The following PCDHGA6 variants were observed in gnomAD, a reference collection of about 807,000 sequenced individuals.
The protein encoded by PCDHGA6 is protocadherin gamma subfamily A, 6.
In PCDHGA6, 41 loss-of-function variants were observed where a neutral mutation model predicts 60.6. The ratio of observed to expected loss-of-function variants is 0.68; its 90% CI spans 0.53 to 0.88. The LOEUF (loss-of-function observed/expected upper bound fraction) is 0.88. Ranked by LOEUF, PCDHGA6 falls within the 40% of genes least tolerant of loss-of-function variation. The pLI, the probability that PCDHGA6 is intolerant of heterozygous loss-of-function variation, is 0.00. For missense variants in PCDHGA6, 1,312 were observed against 1,203.0 expected, an observed-to-expected ratio of 1.09 and a Z score of -1.34; for synonymous variants, 594 against 524.4, an observed-to-expected ratio of 1.13 and a Z score of -1.81.
At chr5:141,394,108 T>C in intron 1 of PCDHGA6, 1 of 1,613,972 alleles carries the variant, frequency 6.2e-7, no homozygotes, top group Non-Finnish European at 8.5e-7. Context: ...ACACCACCTC[T>C]GTCCACTGAA....
Position 141,431,669 on chromosome 5 carries a change from A to G in PCDHGA6, c.2424+55162A>G, listed in dbSNP as rs2154554523. ...TTGTAATTCAGGGACAATATCAACA[A>G]TAGGGGAGTTGGACCACGAGGAGTC... On this transcript the variant is annotated intron_variant, in intron 1 of 3. Transcript: ENST00000517434. The surrounding 1 kb of genome is among the most constrained non-coding windows in gnomAD (Gnocchi z 4.8). 2 of 1,614,210 alleles carry G rather than the reference A, an allele frequency of 1.2e-6. No individual in the cohort carries two copies. Among genetic ancestry groups the G allele is most frequent in the South Asian group, 1.1e-5 (1 of 91,084 alleles).
Position 141,485,757 on chromosome 5 carries a change from T to A in PCDHGA6, c.2425-9050T>A. The A allele has an allele frequency of 6.2e-7, 1 of 1,614,174 alleles. No homozygotes were observed. The highest frequency in any genetic ancestry group is 8.5e-7 in the Non-Finnish European group (1 of 1,180,028). The stretch of plus-strand genomic sequence containing the variant: ...GACGGCAGCCTGGTCCCAGAGCTGC[T>A]CCTGGAGAAGCCTTTGGATCGAGAG... On this transcript the variant is annotated intron_variant, in intron 1 of 3. Transcript: ENST00000517434. The surrounding 1 kb of genome is among the most constrained non-coding windows in gnomAD (Gnocchi z 5.7).
chr5:141,418,036 G>T, intron 1 of PCDHGA6: 1 of 1,614,020 alleles, frequency 6.2e-7, no homozygotes, highest in Non-Finnish European at 8.5e-7. Context: ...TTAGTGTCCT[G>T]GATGTGTCGG....
intron 1 of PCDHGA6, chr5:141,409,276 G>T: frequency 6.2e-7 from 1 of 1,614,000 alleles, no homozygotes; most frequent in Non-Finnish European, 8.5e-7. Flanking sequence ...AGATTTTGGA[G>T]AATTCACCTC....
rs766387243 is a variant in PCDHGA6 at position 141,489,017 on chromosome 5, TCTC to T, written c.2425-5782_2425-5780del. The stretch of plus-strand genomic sequence containing the variant: ...GGGAGATCTGCTCTTCCAGCCCGCC[TCTC>T]CTCCTCCAGCTCCCCAGCTCCACTC... On this transcript the variant is annotated intron_variant, in intron 1 of 3. Transcript: ENST00000517434. This position sits in a 1 kb window ranked among gnomAD's most constrained non-coding sequence, Gnocchi z 4.5. 2 of 435,354 alleles carry T rather than the reference TCTC, an allele frequency of 4.6e-6. No individual in the cohort carries two copies. Among genetic ancestry groups the T allele is most frequent in the Non-Finnish European group, 8.1e-6 (2 of 247,876 alleles). The allele number at this position is 435,354 out of a possible 1,614,324, so 27.0% of individuals were successfully genotyped here. A position where few individuals can be genotyped will look rare whatever the true frequency, so the allele number is the denominator to read the frequency against.
chr5:141,389,834 A>G, intron 1 of PCDHGA6: 2 of 1,613,988 alleles, frequency 1.2e-6, no homozygotes, highest in Non-Finnish European at 1.7e-6. Context: ...GTGGACAGCC[A>G]CCACTCTCGG....
At chr5:141,428,112 A>G (rs2097111373) in intron 1 of PCDHGA6, 1 of 1,607,642 alleles carries the variant, frequency 6.2e-7, no homozygotes, top group Non-Finnish European at 8.5e-7. Context: ...GCTGCAGGCC[A>G]TCGAGCCCGG....
In PCDHGA6 at chr5:141,510,950, C is replaced by T. The variant is rs770587030; in HGVS notation, c.2576C>T (p.Ala859Val). 1.2e-6 allele frequency: 2 copies of T among 1,614,126 alleles called. No homozygotes were observed. The highest frequency in any genetic ancestry group is 2.2e-5 in the South Asian group (2 of 91,078). ...QAMILASASE[A>V]ADGSSTLGGG... Reference sequence around the variant, plus strand: ...TGATCTTCCTCTGTCTCTGCAGAAGCTGCTGATGGGAGCTCCACCCTGGGA... The same window carrying T: ...TGATCTTCCTCTGTCTCTGCAGAAGTTGCTGATGGGAGCTCCACCCTGGGA... The change falls in exon 4 of 4, where the codon GCT (alanine) becomes GTT (valine). Residue 859 changes from alanine (A) to valine (V), a missense_variant. Physicochemically the swap from Ala to Val is moderately conservative, Grantham distance 64. Transcript: ENST00000517434.
In PCDHGA6 at chr5:141,380,448, A is replaced by G. The variant is rs145941690; in HGVS notation, c.2424+3941A>G. Among the ~76,000 whole-genome samples, 6 of 152,354 alleles carry G rather than the reference A, an allele frequency of 3.9e-5. No homozygotes were observed. The East Asian group carries it at 1.2e-3, about 29-fold the overall frequency. ...TAGACTTTACATAGAATTCTTTTTA[A>G]TGCAACCAAACAAATGGTCAGGATT... On this transcript the variant is annotated intron_variant, in intron 1 of 3. Coordinates refer to ENST00000517434, the MANE Select transcript of PCDHGA6 (RefSeq NM_018919.3).
chr5:141,400,465 T>G (rs769092002), intron 1 of PCDHGA6: 2 of 1,614,060 alleles, frequency 1.2e-6, no homozygotes, highest in Admixed American at 1.7e-5. Context: ...TTGTGGTGAT[T>G]CATCTGGGGC....
In PCDHGA6 at chr5:141,491,696, G is replaced by A; in HGVS notation, c.2425-3111G>A. The A allele has an allele frequency of 6.2e-7, 1 of 1,612,390 alleles. No individual in the cohort carries two copies. The highest frequency in any genetic ancestry group is 8.5e-7 in the Non-Finnish European group (1 of 1,179,286). ...CGCTCTAATACGCTGCGGGAGCGGA[G>A]CCAGGTGAGGGGCTCGGCGCCGCCC... On this transcript the variant is annotated intron_variant, in intron 1 of 3. Coordinates refer to ENST00000517434, the MANE Select transcript of PCDHGA6 (RefSeq NM_018919.3). This position sits in a 1 kb window ranked among gnomAD's most constrained non-coding sequence, Gnocchi z 6.9.
At chr5:141,500,723 G>A (rs6875791) in intron 2 of PCDHGA6, among the ~76,000 whole-genome samples, 4,890 of 152,100 alleles carry the variant, frequency 0.032, 255 homozygotes, top group African/African-American at 0.11. Flanking sequence ...ATTTCCCCAT[G>A]TCTTTCAAAA....
At chr5:141,413,468 A>C in intron 1 of PCDHGA6, 1 of 1,614,072 alleles carries the variant, frequency 6.2e-7, no homozygotes, top group South Asian at 1.1e-5. Context: ...GACCGGGAGG[A>C]GCTCTGCGCT....
At position 141,408,449 on chromosome 5, in the gene PCDHGA6, G is replaced by C. The variant is rs1561713163; in HGVS notation, c.2424+31942G>C. On this transcript the variant is annotated intron_variant, in intron 1 of 3. Coordinates refer to ENST00000517434, the MANE Select transcript of PCDHGA6 (RefSeq NM_018919.3). Reference sequence around the variant, plus strand: ...CTTCAGCGTAGACGCGGAGAGCGGGGACTTACTTGTGAAGAACCGAATAGA... The same window carrying C: ...CTTCAGCGTAGACGCGGAGAGCGGGCACTTACTTGTGAAGAACCGAATAGA... The C allele has an allele frequency of 1.9e-6, 3 of 1,613,966 alleles. No individual in the cohort carries two copies. In the Admixed American group the frequency reaches 5.0e-5, roughly 27 times the overall value.
chr5:141,482,917 C>CA (rs761402624), intron 1 of PCDHGA6, among the ~76,000 whole-genome samples: 5 of 152,042 alleles, frequency 3.3e-5, no homozygotes, highest in Non-Finnish European at 7.4e-5. Context: ...ATTAAAAATA[C>CA]AAAAAATTAG....
At position 141,477,539 on chromosome 5, in the gene PCDHGA6, C is replaced by G; in HGVS notation, c.2425-17268C>G. 2 of 1,614,172 alleles carry G rather than the reference C, an allele frequency of 1.2e-6. No individual in the cohort carries two copies. The highest frequency in any genetic ancestry group is 1.7e-6 in the Non-Finnish European group (2 of 1,180,030). On this transcript the variant is annotated intron_variant, in intron 1 of 3. Transcript: ENST00000517434. The surrounding 1 kb of genome is among the most constrained non-coding windows in gnomAD (Gnocchi z 4.9). ...TGAAGAAAACAACCTCCCCGGGGCT[C>G]CAATACTAAACCTAAGTGTCTGGGA...
At chr5:141,376,675 C>CTTT in intron 1 of PCDHGA6, 168 bp downstream of exon 1, 7 of 345,068 alleles carry the variant, frequency 2.0e-5, no homozygotes, top group Admixed American at 4.8e-5. Context: ...GTGAGGGTAT[C>CTTT]GTTTTTTTTT....
chr5:141,430,885 C>G, intron 1 of PCDHGA6: 1 of 1,605,218 alleles, frequency 6.2e-7, no homozygotes, highest in Non-Finnish European at 8.5e-7. Context: ...TGGAGAAAGG[C>G]TCTAGGGTGG....
At chr5:141,390,353 T>C (rs2092125983) in intron 1 of PCDHGA6, 3 of 1,554,516 alleles carry the variant, frequency 1.9e-6, no homozygotes, top group African/African-American at 2.8e-5. Flanking sequence ...AAAATATACA[T>C]ATTTGCAGGA....
Sources: allele counts gnomAD v4.1 joint callset (sites outside exome capture counted in the v4.1 genomes callset), GRCh38; gene constraint gnomAD v4.1.1; non-coding constraint Gnocchi (gnomAD v3.1); transcripts MANE v1.5; gene names NCBI Gene and HGNC (gene_info 2026-07-23, HGNC 2026-07-21).